FKBP3: variants seen among roughly 807,000 people sequenced by gnomAD.
FKBP3 encodes the protein peptidyl-prolyl cis-trans isomerase FKBP3.
Under a neutral mutation model 30.6 loss-of-function variants are expected in FKBP3, and 21 were observed. That is an observed-to-expected ratio of 0.69 (90% CI 0.49 to 0.99). FKBP3 has a LOEUF of 0.99. Among genes scored for constraint, FKBP3 ranks in the 50% least tolerant of loss-of-function variants. FKBP3 has a pLI of 0.00. For synonymous variants in FKBP3, 82 were observed against 91.3 expected (o/e 0.90, Z 0.58); for missense variants, 283 against 261.6 (o/e 1.08, Z -0.56).
chr14:45,118,524 G>A (rs890507705), intron 5 of FKBP3, among the ~76,000 whole-genome samples: 1 of 151,970 alleles, frequency 6.6e-6, no homozygotes, highest in Non-Finnish European at 1.5e-5. Flanking sequence ...CCAGCTACTC[G>A]GGAGGCTGAG....
chr14:45,131,193 G>C (rs1349762138), intron 1 of FKBP3: 1 of 158,382 alleles, frequency 6.3e-6, no homozygotes, highest in Non-Finnish European at 1.4e-5. Flanking sequence ...CTATCCTGAG[G>C]CATTTGTAAC....
intron 4 of FKBP3, 81 bp downstream of exon 4, chr14:45,121,404 A>T: frequency 8.8e-7 from 1 of 1,141,704 alleles, no homozygotes; most frequent in Non-Finnish European, 1.3e-6. Flanking sequence ...GGAAAAAGGT[A>T]CTGCTAACTA....
At position 45,116,027 on chromosome 14, in the gene FKBP3, G is replaced by T; in HGVS notation, c.*171C>A. On this transcript the variant is annotated 3_prime_UTR_variant, in exon 7 of 7. Transcript: ENST00000396062. ...GTATTTTAGACCAGGGATTCATAAG[G>T]GATTTATCTCTCAAAAGCTGGGACC... 1 of 565,280 alleles carries T rather than the reference G, an allele frequency of 1.8e-6. No individual in the cohort carries two copies. The highest frequency in any genetic ancestry group is 3.2e-6 in the Non-Finnish European group (1 of 310,974). The allele number at this position is 565,280 out of a possible 1,614,324, so 35.0% of individuals were successfully genotyped here. A position where few individuals can be genotyped will look rare whatever the true frequency, so the allele number is the denominator to read the frequency against.
chr14:45,123,449 G>A (rs1270889999), intron 3 of FKBP3, among the ~76,000 whole-genome samples: 2 of 151,540 alleles, frequency 1.3e-5, no homozygotes, highest in Non-Finnish European at 1.5e-5. Flanking sequence ...AACGCCTCAA[G>A]ATGAAGATAG....
intron 6 of FKBP3, 52 bp downstream of exon 6, chr14:45,117,976 T>G: frequency 2.3e-6 from 3 of 1,314,622 alleles, no homozygotes; most frequent in Non-Finnish European, 3.2e-6. Context: ...TCAAAGGTGA[T>G]CTAGACGTTT....
At chr14:45,125,871 A>G (rs986073242) in intron 3 of FKBP3, among the ~76,000 whole-genome samples, 5 of 152,102 alleles carry the variant, frequency 3.3e-5, no homozygotes, top group South Asian at 2.1e-4. Context: ...TGTAGTAGAC[A>G]ATGAGCAGAC....
intron 3 of FKBP3, among the ~76,000 whole-genome samples, chr14:45,127,505 T>C (rs897201134): frequency 6.6e-6 from 1 of 152,176 alleles, no homozygotes; most frequent in African/African-American, 2.4e-5. Context: ...AATACCATCA[T>C]TTCAATAAGT....
intron 4 of FKBP3, 122 bp from the exon 5 acceptor site, chr14:45,121,076 T>C: frequency 1.3e-6 from 1 of 793,772 alleles, no homozygotes; most frequent in Non-Finnish European, 2.0e-6. Context: ...ATTACAATAC[T>C]ATGTATTTTA....
chr14:45,127,480 A>T (rs1008041619), intron 3 of FKBP3, among the ~76,000 whole-genome samples: 6 of 152,196 alleles, frequency 3.9e-5, no homozygotes, highest in Non-Finnish European at 5.9e-5. Context: ...TTCTTATTTA[A>T]ACTAAAACAT....
intron 5 of FKBP3, among the ~76,000 whole-genome samples, chr14:45,119,089 CAATA>C (rs1186461169): frequency 1.3e-5 from 2 of 152,116 alleles, no homozygotes; most frequent in Non-Finnish European, 2.9e-5. Context: ...TTCAAAGAAA[CAATA>C]AAAGTCTTCT....
intron 4 of FKBP3, 41 bp from the exon 5 acceptor site, chr14:45,120,995 A>G (rs1209332115): frequency 7.1e-7 from 1 of 1,405,002 alleles, no homozygotes; most frequent in African/African-American, 1.4e-5. Context: ...ATATACTCTA[A>G]TTTATTATTA....
At chr14:45,133,453 A>C (rs1436217188) in intron 1 of FKBP3, 4 of 165,000 alleles carry the variant, frequency 2.4e-5, no homozygotes, top group South Asian at 1.3e-4. Context: ...GGCAACAGAG[A>C]GAGACTCCGT....
intron 2 of FKBP3, among the ~76,000 whole-genome samples, 196 bp from the exon 3 acceptor site, chr14:45,130,097 G>T (rs1003564159): frequency 6.6e-6 from 1 of 152,136 alleles, no homozygotes; most frequent in African/African-American, 2.4e-5. Flanking sequence ...AACAATAAAT[G>T]ATTACCCTCA....
In FKBP3 at chr14:45,120,900, T is replaced by G; in HGVS notation, c.509A>C (p.Lys170Thr). The change falls in exon 5 of 7, where the codon AAA (lysine) becomes ACA (threonine). Residue 170 changes from lysine (K) to threonine (T), a missense_variant. Coordinates refer to ENST00000396062, the MANE Select transcript of FKBP3 (RefSeq NM_002013.4). ...KPLSFKVGVG[K>T]VIRGWDEALL... ...TTCTTTACTTACTCCTCTGATAACTTTGCCTACTCCGACCTTAAAACTTAA... is the reference window on the plus strand; with the variant it reads ...TTCTTTACTTACTCCTCTGATAACTGTGCCTACTCCGACCTTAAAACTTAA... 2 of 1,613,128 alleles carry G rather than the reference T, an allele frequency of 1.2e-6. No homozygotes were observed. Among genetic ancestry groups the G allele is most frequent in the Non-Finnish European group, 1.7e-6 (2 of 1,179,508 alleles).
At chr14:45,128,964 A>T (rs73340647) in intron 3 of FKBP3, among the ~76,000 whole-genome samples, 3,076 of 152,322 alleles carry the variant, frequency 0.02, 114 homozygotes, top group African/African-American at 0.07. Context: ...AAACTTTAAA[A>T]CTGCTTTGTG....
intron 3 of FKBP3, 32 bp from the exon 4 acceptor site, chr14:45,121,652 G>A: frequency 6.3e-7 from 1 of 1,598,538 alleles, no homozygotes; most frequent in Non-Finnish European, 8.5e-7. Context: ...CACACACAGA[G>A]TTATTAATTT....
intron 1 of FKBP3, 152 bp from the exon 2 acceptor site, chr14:45,130,952 A>T: frequency 2.1e-6 from 1 of 479,398 alleles, no homozygotes; most frequent in Non-Finnish European, 3.7e-6. Flanking sequence ...TCTTTGTTAC[A>T]AAAAAAGTAA....
rs1432783915 is a variant in FKBP3, at chr14:45,122,792, C to T, written c.319-1172G>A. On this transcript the variant is annotated intron_variant, in intron 3 of 6. Coordinates refer to ENST00000396062, the MANE Select transcript of FKBP3 (RefSeq NM_002013.4). ...TGTTGGGATTACAAGTGTGAGCCAC[C>T]GCGCCTGGCCTATTCCTGATCTATT... Among the ~76,000 whole-genome samples, 7 of 152,018 alleles carry T rather than the reference C, an allele frequency of 4.6e-5. 1 individual carries two copies. Among genetic ancestry groups the T allele is most frequent in the Admixed American group, 2.0e-4 (3 of 15,268 alleles).
At position 45,121,474 on chromosome 14, in the gene FKBP3, T is replaced by C. The variant is rs772604726; in HGVS notation, c.454+11A>G. 2.5e-6 allele frequency: 4 copies of C among 1,608,530 alleles called. No homozygotes were observed. The highest frequency in any genetic ancestry group is 3.4e-6 in the Non-Finnish European group (4 of 1,176,992). On this transcript the variant is annotated intron_variant, in intron 4 of 6. Coordinates refer to ENST00000396062, the MANE Select transcript of FKBP3 (RefSeq NM_002013.4). ...TTTAAGCCAAAAACATAAGATTCCATTTAGACTTACTTGTTTGAATATTAG... is the reference window on the plus strand; with the variant it reads ...TTTAAGCCAAAAACATAAGATTCCACTTAGACTTACTTGTTTGAATATTAG...
Sources: allele counts gnomAD v4.1 joint callset (sites outside exome capture counted in the v4.1 genomes callset), GRCh38; gene constraint gnomAD v4.1.1; transcripts MANE v1.5; gene names NCBI Gene and HGNC (gene_info 2026-07-23, HGNC 2026-07-21).